Variants in SRRM1 observed in about 807,000 individuals in gnomAD.
The protein encoded by SRRM1 is serine/arginine repetitive matrix protein 1.
Under a neutral mutation model 110.2 loss-of-function variants are expected in SRRM1, and 19 were observed. The ratio of observed to expected loss-of-function variants is 0.17; its 90% confidence interval spans 0.12 to 0.25. The LOEUF is 0.25. Ranked by LOEUF, SRRM1 falls within the 10% of genes least tolerant of loss-of-function variation. The pLI is 1.00. For missense variants in SRRM1, 918 were observed against 1,145.8 expected, an observed-to-expected ratio of 0.80 and a Z score of 2.87; for synonymous variants, 443 against 414.9, an observed-to-expected ratio of 1.07 and a Z score of -0.82.
intron 15 of SRRM1, among the ~76,000 whole-genome samples, chr1:24,671,174 T>G (rs752268009): frequency 9.2e-5 from 14 of 152,196 alleles, no homozygotes; most frequent in Non-Finnish European, 1.6e-4. Flanking sequence ...GTTCAGGAGC[T>G]GGAATTGAGC....
chr1:24,672,083 G>C, intron 16 of SRRM1, 99 bp from the exon 17 acceptor site: 1 of 852,126 alleles, frequency 1.2e-6, no homozygotes. Flanking sequence ...AACAGTCCCC[G>C]GTGTGTGATG....
chr1:24,653,644 C>T (rs910245181), intron 8 of SRRM1, among the ~76,000 whole-genome samples: 3 of 152,012 alleles, frequency 2.0e-5, no homozygotes, highest in African/African-American at 7.2e-5. Flanking sequence ...CTTTTTTTTA[C>T]ATCATTCTAA....
intron 9 of SRRM1, among the ~76,000 whole-genome samples, chr1:24,656,478 T>G (rs1664171968): frequency 6.6e-6 from 1 of 152,200 alleles, no homozygotes; most frequent in African/African-American, 2.4e-5. Context: ...GTCCTCAGTT[T>G]GAGAGAGGGG....
At chr1:24,649,930 A>G (rs1557661064) in intron 4 of SRRM1, 41 bp from the exon 5 acceptor site, 1 of 1,496,010 alleles carries the variant, frequency 6.7e-7, no homozygotes, top group South Asian at 1.4e-5. Context: ...TTTGTTCTCA[A>G]ATGTTCAACT....
intron 2 of SRRM1, 39 bp downstream of exon 2, chr1:24,646,112 A>T (rs760778785): frequency 2.0e-6 from 3 of 1,473,748 alleles, no homozygotes; most frequent in Non-Finnish European, 1.9e-6. Flanking sequence ...TCTTTATAGC[A>T]CACTTACTTG....
intron 13 of SRRM1, among the ~76,000 whole-genome samples, chr1:24,668,847 A>T: frequency 6.6e-6 from 1 of 152,234 alleles, no homozygotes; most frequent in East Asian, 1.9e-4. Flanking sequence ...AAGATTGACA[A>T]ATTCACATCT....
chr1:24,653,186 A>G (rs1465131214), intron 8 of SRRM1, among the ~76,000 whole-genome samples, 154 bp downstream of exon 8: 1 of 152,212 alleles, frequency 6.6e-6, no homozygotes, highest in Non-Finnish European at 1.5e-5. Flanking sequence ...TTGAAGTGTA[A>G]TGCAGTTGTT....
chr1:24,652,321 A>G, intron 6 of SRRM1, 113 bp from the exon 7 acceptor site: 2 of 717,130 alleles, frequency 2.8e-6, no homozygotes, highest in Non-Finnish European at 4.4e-6. Flanking sequence ...AGATAGAGAC[A>G]AGTCTGTGAA....
In SRRM1 at chr1:24,672,349, C is replaced by G. The variant is rs1464637062; in HGVS notation, c.*63C>G. 1.3e-5 allele frequency: 15 copies of G among 1,199,776 alleles called. No homozygotes were observed. In the African/African-American group the frequency reaches 2.2e-4, roughly 17 times the overall value. 74.3% of individuals were successfully genotyped at this position (1,199,776 alleles called of 1,614,324 possible). ...TGTACGCAGTTCAATTTCAAAATTG[C>G]TAAAATGTGTTTGAGCTTTAGACTA... On this transcript the variant is annotated 3_prime_UTR_variant, in exon 17 of 17. Transcript: ENST00000323848.
intron 9 of SRRM1, 43 bp from the exon 10 acceptor site, chr1:24,660,675 CT>C (rs766449413): frequency 7.0e-5 from 78 of 1,121,814 alleles, no homozygotes; most frequent in South Asian, 1.9e-4. Context: ...TTGTATAGAC[CT>C]TTTTTTGTAC....
At position 24,670,234 on chromosome 1, in the gene SRRM1, T is replaced by G. The variant is rs1305016179; in HGVS notation, c.2319T>G (p.Ser773=). ...KPPAPPSPVQ[S]QSPSTNWSPA... ...CAGCACCTCCATCCCCCGTCCAGTC[T>G]CAGTCACCGTCTACAAACTGGTCAC... The change falls in exon 15 of 17, where the codon TCT becomes TCG. Residue 773 remains serine (S), a synonymous_variant. Coordinates refer to ENST00000323848, the MANE Select transcript of SRRM1 (RefSeq NM_005839.4). The G allele has an allele frequency of 3.7e-6, 6 of 1,614,044 alleles. No individual in the cohort carries two copies. Among genetic ancestry groups the G allele is most frequent in the Non-Finnish European group, 5.1e-6 (6 of 1,180,016 alleles).
chr1:24,659,091 G>A (rs1306079096), intron 9 of SRRM1, among the ~76,000 whole-genome samples: 1 of 152,134 alleles, frequency 6.6e-6, no homozygotes, highest in African/African-American at 2.4e-5. Context: ...CTACTCAGGT[G>A]GCTGAGGCAG....
intron 1 of SRRM1, among the ~76,000 whole-genome samples, chr1:24,644,572 C>T (rs748315760): frequency 2.5e-4 from 38 of 152,120 alleles, no homozygotes; most frequent in Non-Finnish European, 4.3e-4. Flanking sequence ...AATATGCCAA[C>T]GAGTTTTTCG....
intron 7 of SRRM1, 66 bp from the exon 8 acceptor site, chr1:24,652,847 G>A: frequency 5.2e-6 from 8 of 1,527,200 alleles, no homozygotes; most frequent in Non-Finnish European, 7.0e-6. Context: ...TGGCCATTGA[G>A]AAAACTAAGC....
At position 24,655,144 on chromosome 1, in the gene SRRM1, CAT is replaced by C. The variant is rs769749257; in HGVS notation, c.1315+18_1315+19del. 8.1e-6 allele frequency: 13 copies of C among 1,611,302 alleles called. No individual in the cohort carries two copies. Among genetic ancestry groups the C allele is most frequent in the East Asian group, 2.2e-5 (1 of 44,826 alleles). On this transcript the variant is annotated intron_variant, in intron 9 of 16. Transcript: ENST00000323848. ...TTCAGGTAAAGGTAAAAATCAAACA[CAT>C]ATGAAACATGGTCTCTCTTTCTTTG...
chr1:24,669,893 T>C (rs1291610111), intron 14 of SRRM1: 1 of 557,738 alleles, frequency 1.8e-6, no homozygotes, highest in Non-Finnish European at 3.1e-6. Context: ...ACATTACTAA[T>C]CTTACATAAG....
rs1038405035 is a variant in SRRM1 at position 24,667,965 on chromosome 1, C to CTTTTTTTTTTTTTTTTTTT, written c.1739+1049_1739+1067dup. On this transcript the variant is annotated intron_variant, in intron 13 of 16. Coordinates refer to ENST00000323848, the MANE Select transcript of SRRM1 (RefSeq NM_005839.4). The stretch of plus-strand genomic sequence containing the variant: ...AGCAATGTAATGACATGCTGCCACT[C>CTTTTTTTTTTTTTTTTTTT]TTTTTTTTTTTTTTTTTTTTTTTTT... 2.8e-4 allele frequency among the ~76,000 whole-genome samples: 19 copies of CTTTTTTTTTTTTTTTTTTT among 68,528 alleles called. 3 individuals carry two copies. The highest frequency in any genetic ancestry group is 4.9e-4 in the Admixed American group (3 of 6,158). The allele number at this position is 68,528 out of a possible 152,430, so 45.0% of individuals were successfully genotyped here.
chr1:24,653,105 A>G (rs778158823), intron 8 of SRRM1, 73 bp downstream of exon 8: 1 of 1,428,142 alleles, frequency 7.0e-7, no homozygotes, highest in Non-Finnish European at 9.5e-7. Flanking sequence ...GATAATCTGT[A>G]AATTAGTGTC....
At position 24,645,970 on chromosome 1, in the gene SRRM1, T is replaced by C. The variant is rs753771346; in HGVS notation, c.22-14T>C. The stretch of plus-strand genomic sequence containing the variant: ...CTTTGAACCCTTAGTTAAGATGTGG[T>C]TCTCTTCCTGCAGGGAACAAGTGCA... On this transcript the variant is annotated splice_polypyrimidine_tract_variant and intron_variant, in intron 1 of 16. Coordinates refer to ENST00000323848, the MANE Select transcript of SRRM1 (RefSeq NM_005839.4). 2 of 1,610,364 alleles carry C rather than the reference T, an allele frequency of 1.2e-6. No individual in the cohort carries two copies. Among genetic ancestry groups the C allele is most frequent in the Non-Finnish European group, 1.7e-6 (2 of 1,177,476 alleles).
Sources: allele counts gnomAD v4.1 joint callset (sites outside exome capture counted in the v4.1 genomes callset), GRCh38; gene constraint gnomAD v4.1.1; transcripts MANE v1.5; gene names NCBI Gene and HGNC (gene_info 2026-07-23, HGNC 2026-07-21).